KANSL1L: variants seen among roughly 807,000 people sequenced by gnomAD.
KANSL1L encodes KAT8 regulatory NSL complex subunit 1-like protein.
KANSL1L carries 25 observed loss-of-function variants against 108.6 expected under a neutral mutation model. The ratio of observed to expected loss-of-function variants is 0.23; its 90% CI spans 0.17 to 0.32. KANSL1L has a LOEUF of 0.32. Among genes scored for constraint, KANSL1L ranks in the 10% least tolerant of loss-of-function variants. The probability of loss-of-function intolerance (pLI) is 1.00; values close to 1 mark genes in which losing one functional copy is unlikely to be tolerated. For missense variants in KANSL1L, 1,137 were observed against 1,125.7 expected (o/e 1.01, Z -0.14); for synonymous variants, 405 against 395.1 (o/e 1.03, Z -0.30).
At chr2:210,082,130 G>A (rs778706969) in intron 5 of KANSL1L, among the ~76,000 whole-genome samples, 15 of 152,160 alleles carry the variant, frequency 9.9e-5, no homozygotes, top group Admixed American at 5.9e-4. Context: ...ACAGAGTCTC[G>A]TCAAATTTCT....
At chr2:210,143,033 T>TGG (rs2095241216) in intron 2 of KANSL1L, among the ~76,000 whole-genome samples, 1 of 152,142 alleles carries the variant, frequency 6.6e-6, no homozygotes, top group South Asian at 2.1e-4. Flanking sequence ...TTATTGAAAG[T>TGG]GGGGTATTAA....
At chr2:210,059,651 T>C (rs1485519781) in intron 6 of KANSL1L, among the ~76,000 whole-genome samples, 1 of 152,226 alleles carries the variant, frequency 6.6e-6, no homozygotes, top group African/African-American at 2.4e-5. Flanking sequence ...ACAGAATTGT[T>C]ACAGCAAGGT....
chr2:210,088,825 AAAC>A (rs1405146157), intron 5 of KANSL1L: 1 of 152,266 alleles, frequency 6.6e-6, no homozygotes, highest in East Asian at 1.9e-4. Flanking sequence ...TGAAATCCTC[AAAC>A]ATCATACTGA....
chr2:210,024,932 C>CAAAT (rs2093915271), intron 13 of KANSL1L, among the ~76,000 whole-genome samples, 172 bp downstream of exon 13: 1 of 152,114 alleles, frequency 6.6e-6, no homozygotes, highest in Non-Finnish European at 1.5e-5. Context: ...ATAATTAGCT[C>CAAAT]AAATATATTT....
At position 210,022,899 on chromosome 2, in the gene KANSL1L, T is replaced by C. The variant is rs747758543; in HGVS notation, c.*50A>G. ...ATGGGGGATCCAGAACAGGGCTTTA[T>C]TTCCTCCCATCTTTCCTACATTTAC... On this transcript the variant is annotated 3_prime_UTR_variant, in exon 15 of 15. Coordinates refer to ENST00000281772, the MANE Select transcript of KANSL1L (RefSeq NM_152519.4). The C allele has an allele frequency of 1.0e-5, 13 of 1,302,298 alleles. No homozygotes were observed. The highest frequency in any genetic ancestry group is 2.9e-5 in the African/African-American group (2 of 68,308). 80.7% of individuals were successfully genotyped at this position (1,302,298 alleles called of 1,614,324 possible).
chr2:210,162,745 C>T (rs568241481), intron 1 of KANSL1L, among the ~76,000 whole-genome samples: 6 of 151,812 alleles, frequency 4.0e-5, no homozygotes, highest in Non-Finnish European at 8.8e-5. Flanking sequence ...AGGAGGAAAT[C>T]CAGAAGTGTA....
Position 210,044,999 on chromosome 2 carries a change from C to A in KANSL1L, c.1756-895G>T, listed in dbSNP as rs2094208726. The stretch of plus-strand genomic sequence containing the variant: ...GGCCAGGCTGGTCTCGAACTCCTGA[C>A]CTCAAGTGATTCAGCCTGCCTCCAT... On this transcript the variant is annotated intron_variant, in intron 6 of 14. Coordinates refer to ENST00000281772, the MANE Select transcript of KANSL1L (RefSeq NM_152519.4). The surrounding 1 kb of genome is among the most constrained non-coding windows in gnomAD (Gnocchi z 4.2). 6.6e-6 allele frequency among the ~76,000 whole-genome samples: 1 copy of A among 152,066 alleles called. No homozygotes were observed.
Position 210,169,720 on chromosome 2 carries a change from C to T in KANSL1L, c.-30+1429G>A, listed in dbSNP as rs140787536. Among the ~76,000 whole-genome samples, 569 of 152,226 alleles carry T rather than the reference C, an allele frequency of 3.7e-3. 4 individuals carry two copies. The highest frequency in any genetic ancestry group is 6.4e-3 in the Non-Finnish European group (437 of 68,002). On this transcript the variant is annotated intron_variant, in intron 1 of 14. Coordinates refer to ENST00000281772, the MANE Select transcript of KANSL1L (RefSeq NM_152519.4). ...AAAACCATGAGGAAATGGTTGCAGACGCTGACACTGATCTAAGTAGGTGGA... is the reference window on the plus strand; with the variant it reads ...AAAACCATGAGGAAATGGTTGCAGATGCTGACACTGATCTAAGTAGGTGGA...
At position 210,171,203 on chromosome 2, in the gene KANSL1L, G is replaced by A. The variant is rs1688316103; in HGVS notation, c.-84C>T. 6.5e-6 allele frequency: 1 copy of A among 154,926 alleles called. No homozygotes were observed. Among genetic ancestry groups the A allele is most frequent in the Non-Finnish European group, 1.4e-5 (1 of 69,542 alleles). 9.6% of individuals were successfully genotyped at this position (154,926 alleles called of 1,614,324 possible). ...GCCGCACCTTCGGTCCGGCCGTGGT[G>A]GGGGCTGCTGAGGTGATCTCTAGCT... On this transcript the variant is annotated 5_prime_UTR_variant, in exon 1 of 15. Transcript: ENST00000281772.
intron 3 of KANSL1L, among the ~76,000 whole-genome samples, chr2:210,117,821 A>G (rs527953262): frequency 1.6e-3 from 236 of 152,178 alleles, no homozygotes; most frequent in Non-Finnish European, 3.1e-3. Context: ...TAAAATCAAT[A>G]AACAAATCTC....
intron 3 of KANSL1L, among the ~76,000 whole-genome samples, chr2:210,107,621 C>T (rs1219294794): frequency 1.3e-5 from 2 of 151,538 alleles, no homozygotes; most frequent in South Asian, 2.1e-4. Context: ...CTCTGCCTCC[C>T]GGGTTCACGC....
intron 2 of KANSL1L, among the ~76,000 whole-genome samples, chr2:210,130,771 A>G (rs533810563): frequency 6.6e-6 from 1 of 152,328 alleles, no homozygotes; most frequent in East Asian, 1.9e-4. Context: ...GCTAGCGCGT[A>G]GCATTTTACA....
chr2:210,062,818 G>A (rs2094433113), intron 6 of KANSL1L, among the ~76,000 whole-genome samples: 1 of 152,112 alleles, frequency 6.6e-6, no homozygotes, highest in East Asian at 1.9e-4. Flanking sequence ...TTTTAAAAGG[G>A]AAACAGCATA....
intron 3 of KANSL1L, among the ~76,000 whole-genome samples, chr2:210,114,146 T>A (rs1169615004): frequency 6.6e-6 from 1 of 152,058 alleles, no homozygotes; most frequent in Non-Finnish European, 1.5e-5. Flanking sequence ...ATCAAACTAC[T>A]GAATGACAAA....
intron 1 of KANSL1L, among the ~76,000 whole-genome samples, chr2:210,168,688 T>C (rs1350742939): frequency 4.6e-5 from 7 of 152,090 alleles, no homozygotes; most frequent in Admixed American, 2.6e-4. Context: ...GAGAAGTTAA[T>C]TGACCTTCTG....
chr2:210,134,414 C>T (rs2095155378), intron 2 of KANSL1L, among the ~76,000 whole-genome samples: 1 of 151,972 alleles, frequency 6.6e-6, no homozygotes, highest in Non-Finnish European at 1.5e-5. Flanking sequence ...GTTGAATACA[C>T]ACATGTGCAC....
Position 210,116,674 on chromosome 2 carries a change from A to C in KANSL1L, c.1230+12357T>G, listed in dbSNP as rs2094957358. Among the ~76,000 whole-genome samples, 3 of 152,214 alleles carry C rather than the reference A, an allele frequency of 2.0e-5. No individual in the cohort carries two copies. In the South Asian group the frequency reaches 6.2e-4, roughly 31 times the overall value. On this transcript the variant is annotated intron_variant, in intron 3 of 14. Coordinates refer to ENST00000281772, the MANE Select transcript of KANSL1L (RefSeq NM_152519.4). The stretch of plus-strand genomic sequence containing the variant: ...ACCTCTATGAGTCCACAAAAGATGC[A>C]GTGTTACTAAAGTTGGGGATATGAC...
At chr2:210,027,960 G>T (rs1012460897) in intron 11 of KANSL1L, among the ~76,000 whole-genome samples, 1 of 152,292 alleles carries the variant, frequency 6.6e-6, no homozygotes, top group Non-Finnish European at 1.5e-5. Context: ...AGTAGTAAAA[G>T]AAATGAAATT....
rs565753949 is a variant in KANSL1L at position 210,111,824 on chromosome 2, C to T, written c.1231-7523G>A. ...TGTATACATGCGCCATGTTGGTGTG[C>T]TGCACCCATTAACTCATCATTTAGC... On this transcript the variant is annotated intron_variant, in intron 3 of 14. Coordinates refer to ENST00000281772, the MANE Select transcript of KANSL1L (RefSeq NM_152519.4). Among the ~76,000 whole-genome samples, 4 of 151,724 alleles carry T rather than the reference C, an allele frequency of 2.6e-5. No individual in the cohort carries two copies. In the South Asian group the frequency reaches 8.3e-4, roughly 32 times the overall value.
Sources: gnomAD v4.1 joint callset for allele counts (sites outside exome capture counted in the v4.1 genomes callset) on GRCh38, gnomAD v4.1.1 for gene constraint, Gnocchi (gnomAD v3.1) non-coding constraint, MANE v1.5 for transcripts, NCBI Gene and HGNC (gene_info 2026-07-23, HGNC 2026-07-21) for gene names.